XKR9: variants seen among roughly 807,000 people sequenced by gnomAD.
The protein encoded by XKR9 is XK-related protein 9.
A neutral mutation model predicts 32.0 loss-of-function variants in XKR9; 32 were observed. That is an observed-to-expected ratio of 1.00 (90% CI 0.76 to 1.34). The LOEUF (loss-of-function observed/expected upper bound fraction) is 1.34. Among genes scored for constraint, XKR9 ranks in the 40% most tolerant of loss-of-function variants. The pLI is 0.00. For synonymous variants in XKR9, 168 were observed against 143.4 expected (o/e 1.17, Z -1.22); for missense variants, 546 against 429.7 (o/e 1.27, Z -2.39).
chr8:70,681,051 C>A lies in XKR9; in HGVS notation c.-8C>A. The A allele has an allele frequency of 1.9e-6, 3 of 1,599,142 alleles. No homozygotes were observed. The highest frequency in any genetic ancestry group is 2.2e-5 in the South Asian group (2 of 89,264). On this transcript the variant is annotated 5_prime_UTR_variant, in exon 3 of 5. Coordinates refer to ENST00000408926, the MANE Select transcript of XKR9 (RefSeq NM_001011720.2). ...AAAGTAGATAACGAAAAGCTATAGT[C>A]ATTCGTAATGAAATATACTAAACAG...
chr8:70,973,743 A>T, the XKR9 span, among the ~76,000 whole-genome samples: 1 of 152,154 alleles, frequency 6.6e-6, no homozygotes, highest in Non-Finnish European at 1.5e-5. Flanking sequence ...GGAGCAGGTT[A>T]TTTAATTTCC....
At chr8:70,836,425 A>G in the XKR9 span, among the ~76,000 whole-genome samples, 1 of 152,020 alleles carries the variant, frequency 6.6e-6, no homozygotes, top group South Asian at 2.1e-4. Flanking sequence ...TTCTAGATAT[A>G]GGAAGTTCAC....
chr8:70,942,763 A>C, the XKR9 span, among the ~76,000 whole-genome samples: 1 of 152,154 alleles, frequency 6.6e-6, no homozygotes, highest in Admixed American at 6.5e-5. Context: ...ATTAAATAAG[A>C]TAATGTACAC....
chr8:70,807,913 C>G, the XKR9 span, among the ~76,000 whole-genome samples: 5 of 152,104 alleles, frequency 3.3e-5, no homozygotes, highest in African/African-American at 1.2e-4. Context: ...TCAAGTGGAT[C>G]TAATAGACAT....
the XKR9 span, among the ~76,000 whole-genome samples, chr8:70,852,199 T>G: frequency 6.6e-6 from 1 of 152,136 alleles, no homozygotes; most frequent in African/African-American, 2.4e-5. Flanking sequence ...TCATCAATGG[T>G]CATAAGAGAA....
At chr8:70,776,923 T>TCTCTCTCTCTCTCTCTCTCTCTCTCTC (rs1563477157) in intron 2 of XKR9, among the ~76,000 whole-genome samples, 4 of 59,624 alleles carry the variant, frequency 6.7e-5, no homozygotes, top group Non-Finnish European at 1.3e-4. Context: ...TTCTCTTTCT[T>TCTCTCTCTCTCTCTCTCTCTCTCTCTC]TCTCTCTCTC....
chr8:70,775,039 G>A lies in XKR9; in HGVS notation n.353-14300G>A, dbSNP rs1444340. Among the ~76,000 whole-genome samples, 1,478 of 152,080 alleles carry A rather than the reference G, an allele frequency of 9.7e-3. 23 individuals are homozygous for A. The highest frequency in any genetic ancestry group is 0.034 in the African/African-American group (1,408 of 41,502). On this transcript the variant is annotated intron_variant and non_coding_transcript_variant, in intron 2 of 3. Transcript: ENST00000520273. Reference sequence around the variant, plus strand: ...TCAGCCATGTTTTATAATTTTCAGTGTACATATTTTATTAAATTTATCCCT... The same window carrying A: ...TCAGCCATGTTTTATAATTTTCAGTATACATATTTTATTAAATTTATCCCT...
At chr8:70,976,347 G>C in the XKR9 span, among the ~76,000 whole-genome samples, 1 of 152,258 alleles carries the variant, frequency 6.6e-6, no homozygotes, top group Admixed American at 6.5e-5. Flanking sequence ...CATTCAGTAT[G>C]ATAGTGGCTG....
chr8:71,054,219 CA>C, the XKR9 span, among the ~76,000 whole-genome samples: 2 of 152,134 alleles, frequency 1.3e-5, no homozygotes, highest in Non-Finnish European at 2.9e-5. Context: ...AACAAAGTGT[CA>C]GTGTATTTCC....
At chr8:70,836,522 A>T in the XKR9 span, among the ~76,000 whole-genome samples, 1 of 151,988 alleles carries the variant, frequency 6.6e-6, no homozygotes, top group African/African-American at 2.4e-5. Context: ...TTTGTTCCTT[A>T]TATTTCTGAC....
At chr8:70,741,416 A>G (rs1306595663) in intron 2 of XKR9, among the ~76,000 whole-genome samples, 1 of 152,166 alleles carries the variant, frequency 6.6e-6, no homozygotes, top group Non-Finnish European at 1.5e-5. Flanking sequence ...AGTGAAGTAA[A>G]CTTTTCTTTA....
the XKR9 span, among the ~76,000 whole-genome samples, chr8:70,956,496 C>T: frequency 1.3e-5 from 2 of 152,178 alleles, no homozygotes; most frequent in Non-Finnish European, 2.9e-5. Context: ...CCAGAACTGG[C>T]AGCCCCGCTC....
chr8:70,778,610 C>T (rs1807567381), intron 2 of XKR9, among the ~76,000 whole-genome samples: 1 of 151,960 alleles, frequency 6.6e-6, no homozygotes, highest in Admixed American at 6.6e-5. Flanking sequence ...TGTTTGTGTC[C>T]TCTTTTATTT....
intron 2 of XKR9, among the ~76,000 whole-genome samples, chr8:70,764,057 A>T (rs1807342570): frequency 1.3e-5 from 2 of 152,200 alleles, no homozygotes; most frequent in East Asian, 3.8e-4. Context: ...TTGAGTCTAT[A>T]GCCTTATTGA....
chr8:70,926,707 C>T, the XKR9 span, among the ~76,000 whole-genome samples: 1 of 152,110 alleles, frequency 6.6e-6, no homozygotes. Flanking sequence ...TATATTTTCT[C>T]CTCTTTGGTA....
intron 3 of XKR9, among the ~76,000 whole-genome samples, chr8:70,686,845 G>A (rs72667723): frequency 0.018 from 2,779 of 151,926 alleles, 36 homozygotes; most frequent in Non-Finnish European, 0.03. Context: ...CATAATAGGT[G>A]TATATATTTA....
At chr8:70,815,607 G>C in the XKR9 span, among the ~76,000 whole-genome samples, 47 of 151,556 alleles carry the variant, frequency 3.1e-4, no homozygotes, top group Non-Finnish European at 6.6e-4. Flanking sequence ...TTCACTGCAA[G>C]CTCCGCCTCC....
At chr8:70,979,084 A>G in the XKR9 span, among the ~76,000 whole-genome samples, 3 of 152,184 alleles carry the variant, frequency 2.0e-5, no homozygotes, top group Non-Finnish European at 2.9e-5. Flanking sequence ...TTTCAGATCC[A>G]TCAGGTCATT....
chr8:71,027,431 TTAA>T, the XKR9 span, among the ~76,000 whole-genome samples: 8 of 148,018 alleles, frequency 5.4e-5, no homozygotes, highest in Non-Finnish European at 1.2e-4. Flanking sequence ...AATAATATAT[TTAA>T]TAATACTAAC....
Sources: gnomAD v4.1 joint callset for allele counts (sites outside exome capture counted in the v4.1 genomes callset) on GRCh38, gnomAD v4.1.1 for gene constraint, MANE v1.5 for transcripts, NCBI Gene and HGNC (gene_info 2026-07-23, HGNC 2026-07-21) for gene names.